CDH12: variants seen among roughly 807,000 people sequenced by gnomAD.
The protein encoded by CDH12 is cadherin 12, also known as cadherin-12.
Under a neutral mutation model 74.1 loss-of-function variants are expected in CDH12, and 41 were observed. That is an observed-to-expected ratio of 0.55 (90% CI 0.43 to 0.72). The LOEUF is 0.72. Ranked by LOEUF, CDH12 falls within the 30% of genes least tolerant of loss-of-function variation. The pLI is 0.00. For synonymous variants in CDH12, 399 were observed against 355.0 expected, an observed-to-expected ratio of 1.12 and a Z score of -1.39; for missense variants, 945 against 977.2, an observed-to-expected ratio of 0.97 and a Z score of 0.44.
chr5:22,618,007 A>T (rs541459575), intron 1 of CDH12, among the ~76,000 whole-genome samples: 1 of 152,278 alleles, frequency 6.6e-6, no homozygotes, highest in Non-Finnish European at 1.5e-5. Flanking sequence ...TGACAGATGC[A>T]GAAACTGAGA....
chr5:22,747,304 A>G (rs1053155081), intron 1 of CDH12, among the ~76,000 whole-genome samples: 1 of 152,068 alleles, frequency 6.6e-6, no homozygotes, highest in African/African-American at 2.4e-5. Flanking sequence ...TTAATATTGT[A>G]CTCATTTGGT....
intron 5 of CDH12, among the ~76,000 whole-genome samples, chr5:21,991,182 G>A (rs1757733382): frequency 6.6e-6 from 1 of 151,724 alleles, no homozygotes; most frequent in African/African-American, 2.4e-5. Flanking sequence ...ATCGCTCCCA[G>A]GGAGTCAGTT....
intron 3 of CDH12, among the ~76,000 whole-genome samples, chr5:22,373,906 T>C (rs970092763): frequency 2.6e-5 from 4 of 152,180 alleles, no homozygotes; most frequent in Admixed American, 2.6e-4. Flanking sequence ...ATGACATCTC[T>C]TCAGGAACAC....
chr5:22,137,414 C>T (rs1746525679), intron 4 of CDH12, among the ~76,000 whole-genome samples: 1 of 152,004 alleles, frequency 6.6e-6, no homozygotes, highest in African/African-American at 2.4e-5. Flanking sequence ...CTCCCTCTCT[C>T]TGGATGCTGC....
chr5:22,690,861 T>C (rs898592428), intron 1 of CDH12, among the ~76,000 whole-genome samples: 2 of 152,152 alleles, frequency 1.3e-5, no homozygotes, highest in South Asian at 4.1e-4. Context: ...CTTTTCACTA[T>C]TTCTCATGAG....
intron 7 of CDH12, among the ~76,000 whole-genome samples, chr5:21,842,874 T>C (rs1346068103): frequency 1.3e-5 from 2 of 152,156 alleles, no homozygotes; most frequent in Non-Finnish European, 2.9e-5. Flanking sequence ...CAACAGATAT[T>C]TCACTAAGTT....
intron 1 of CDH12, among the ~76,000 whole-genome samples, chr5:22,544,802 G>A (rs1040118024): frequency 6.6e-6 from 1 of 151,434 alleles, no homozygotes; most frequent in Non-Finnish European, 1.5e-5. Flanking sequence ...GGGTGACAGA[G>A]TGAGACTCTG....
chr5:22,448,884 A>G (rs1744933685), intron 2 of CDH12, among the ~76,000 whole-genome samples: 1 of 151,940 alleles, frequency 6.6e-6, no homozygotes, highest in Non-Finnish European at 1.5e-5. Context: ...ATGCTTTATG[A>G]TTATTATTTT....
In CDH12 at chr5:22,337,411, C is replaced by A. The variant is rs116137032; in HGVS notation, c.-333+67846G>T. Reference sequence around the variant, plus strand: ...GATATGGTTTGGCCCTGTGTCTCCACCCAAATCTCATCTTATAGCTCCCGT... The same window carrying A: ...GATATGGTTTGGCCCTGTGTCTCCAACCAAATCTCATCTTATAGCTCCCGT... On this transcript the variant is annotated intron_variant, in intron 3 of 14. Transcript: ENST00000382254. Among the ~76,000 whole-genome samples, 750 of 152,182 alleles carry A rather than the reference C, an allele frequency of 4.9e-3. 6 individuals are homozygous for A. The highest frequency in any genetic ancestry group is 0.016 in the African/African-American group (685 of 41,528).
At chr5:22,471,913 C>G (rs1056101133) in intron 2 of CDH12, among the ~76,000 whole-genome samples, 12 of 152,102 alleles carry the variant, frequency 7.9e-5, no homozygotes, top group Non-Finnish European at 1.5e-4. Context: ...AGACTTTATT[C>G]AAGAGAAGTG....
intron 3 of CDH12, among the ~76,000 whole-genome samples, chr5:22,339,456 G>T (rs957878072): frequency 3.3e-5 from 5 of 152,026 alleles, no homozygotes; most frequent in Non-Finnish European, 5.9e-5. Context: ...ATAAATATTT[G>T]GTTTTGAGGG....
chr5:22,047,936 A>C (rs998534013), intron 5 of CDH12, among the ~76,000 whole-genome samples: 5 of 152,182 alleles, frequency 3.3e-5, no homozygotes, highest in Non-Finnish European at 7.3e-5. Context: ...TATCATGGAT[A>C]CTTCTTTTTC....
chr5:22,399,529 T>A (rs1043605574), intron 3 of CDH12, among the ~76,000 whole-genome samples: 5 of 152,136 alleles, frequency 3.3e-5, no homozygotes, highest in Admixed American at 2.0e-4. Context: ...CTACTTCACA[T>A]GTGGACAGAG....
At chr5:22,695,395 T>A (rs917521769) in intron 1 of CDH12, among the ~76,000 whole-genome samples, 14 of 152,124 alleles carry the variant, frequency 9.2e-5, no homozygotes, top group Non-Finnish European at 1.3e-4. Context: ...TTATTTCTGA[T>A]TCTAGATCCT....
rs201617902 is a variant in CDH12, at chr5:22,650,279, A to AT, written c.-522-144916dup. On this transcript the variant is annotated intron_variant, in intron 1 of 14. Coordinates refer to ENST00000382254, the MANE Select transcript of CDH12 (RefSeq NM_004061.5). ...AAACTTCAGAGGGAGGGTTTGTTTC[A>AT]TTTCCTAAGCTTGGTGATAGATATA... is the stretch of plus-strand genomic sequence containing the variant. Among the ~76,000 whole-genome samples the AT allele has an allele frequency of 4.6e-3, 698 of 152,098 alleles. 2 individuals carry two copies. The highest frequency in any genetic ancestry group is 8.5e-3 in the Non-Finnish European group (580 of 67,914).
At chr5:21,864,774 G>C (rs1459639489) in intron 6 of CDH12, among the ~76,000 whole-genome samples, 1 of 152,180 alleles carries the variant, frequency 6.6e-6, no homozygotes, top group Non-Finnish European at 1.5e-5. Flanking sequence ...AGTATTAAGA[G>C]AAATTCTGGT....
intron 1 of CDH12, among the ~76,000 whole-genome samples, chr5:22,694,141 G>T (rs1039103521): frequency 6.6e-6 from 1 of 151,626 alleles, no homozygotes; most frequent in East Asian, 1.9e-4. Flanking sequence ...GGTCTTGCTT[G>T]GTTGCCCAGG....
intron 1 of CDH12, among the ~76,000 whole-genome samples, chr5:22,783,910 T>C (rs879023923): frequency 1.2e-4 from 18 of 152,180 alleles, no homozygotes; most frequent in Non-Finnish European, 5.9e-5. Flanking sequence ...CTGCTTTTTT[T>C]CCCATCAGAA....
At chr5:21,871,970 A>G (rs1285104769) in intron 6 of CDH12, among the ~76,000 whole-genome samples, 1 of 152,162 alleles carries the variant, frequency 6.6e-6, no homozygotes, top group Non-Finnish European at 1.5e-5. Context: ...ATATTGGATC[A>G]CTTTATTAGA....
Sources: allele counts gnomAD v4.1 joint callset (sites outside exome capture counted in the v4.1 genomes callset), GRCh38; gene constraint gnomAD v4.1.1; transcripts MANE v1.5; gene names NCBI Gene and HGNC (gene_info 2026-07-23, HGNC 2026-07-21).